ENTREP2: variants seen among roughly 807,000 people sequenced by gnomAD.
ENTREP2 encodes protein ENTREP2.
chr15:29,578,847 T>C, the ENTREP2 span, among the ~76,000 whole-genome samples: 1 of 152,164 alleles, frequency 6.6e-6, no homozygotes, highest in African/African-American at 2.4e-5. Context: ...TCTGGGATAG[T>C]ATTGACTAGA....
At chr15:29,394,228 A>G in the ENTREP2 span, among the ~76,000 whole-genome samples, 1 of 152,172 alleles carries the variant, frequency 6.6e-6, no homozygotes, top group Non-Finnish European at 1.5e-5. Flanking sequence ...TCATAAATTA[A>G]TTTAGTGAAA....
At chr15:29,189,386 G>A in the ENTREP2 span, among the ~76,000 whole-genome samples, 2 of 151,754 alleles carry the variant, frequency 1.3e-5, no homozygotes, top group Non-Finnish European at 2.9e-5. Flanking sequence ...AGTGGTGTGT[G>A]AGAGTAGAGC....
At chr15:29,333,509 C>A in the ENTREP2 span, among the ~76,000 whole-genome samples, 10 of 152,142 alleles carry the variant, frequency 6.6e-5, no homozygotes. Flanking sequence ...CTGCATGGCC[C>A]TCCCGGGCAC....
At chr15:29,246,977 A>G in the ENTREP2 span, among the ~76,000 whole-genome samples, 2 of 130,324 alleles carry the variant, frequency 1.5e-5, no homozygotes, top group East Asian at 2.0e-4. Flanking sequence ...GGAAAGGCAC[A>G]CACACACACA....
the ENTREP2 span, among the ~76,000 whole-genome samples, chr15:29,470,753 A>G: frequency 9.9e-5 from 15 of 152,224 alleles, no homozygotes; most frequent in Non-Finnish European, 2.1e-4. Context: ...GACATGAGAC[A>G]GTCCCTCAAA....
chr15:29,278,288 C>A, the ENTREP2 span, among the ~76,000 whole-genome samples: 2 of 152,202 alleles, frequency 1.3e-5, no homozygotes, highest in African/African-American at 4.8e-5. Context: ...AAGTTGCATG[C>A]GGAGAAGAGG....
the ENTREP2 span, among the ~76,000 whole-genome samples, chr15:29,167,995 A>C: frequency 3.9e-5 from 6 of 152,222 alleles, no homozygotes; most frequent in Admixed American, 6.5e-5. Flanking sequence ...CTTAGCCATA[A>C]AAAGGAATGA....
the ENTREP2 span, among the ~76,000 whole-genome samples, chr15:29,444,395 T>C: frequency 2.6e-5 from 4 of 152,240 alleles, no homozygotes; most frequent in African/African-American, 9.6e-5. Context: ...GTTTTTTGCA[T>C]GACTCAGTTC....
At chr15:29,549,086 C>T in the ENTREP2 span, among the ~76,000 whole-genome samples, 2 of 152,114 alleles carry the variant, frequency 1.3e-5, no homozygotes, top group Non-Finnish European at 2.9e-5. Context: ...GAACACTGAG[C>T]CATTAACCAT....
the ENTREP2 span, among the ~76,000 whole-genome samples, chr15:29,478,094 A>G: frequency 1.6e-5 from 2 of 128,820 alleles, no homozygotes; most frequent in Non-Finnish European, 3.1e-5. Context: ...GCGTGATCTC[A>G]GCTCACTGCA....
the ENTREP2 span, among the ~76,000 whole-genome samples, chr15:29,173,684 T>C: frequency 3.9e-5 from 6 of 152,236 alleles, no homozygotes; most frequent in African/African-American, 1.4e-4. Context: ...ACCATTCATC[T>C]TCTGATTGGT....
the ENTREP2 span, among the ~76,000 whole-genome samples, chr15:29,179,387 T>A: frequency 6.6e-6 from 1 of 152,196 alleles, no homozygotes; most frequent in African/African-American, 2.4e-5. Context: ...ACTTAGTGAA[T>A]AATGGCACTT....
chr15:29,421,673 G>A, the ENTREP2 span, among the ~76,000 whole-genome samples: 5 of 152,014 alleles, frequency 3.3e-5, no homozygotes, highest in East Asian at 3.9e-4. Flanking sequence ...CTCAAACTAC[G>A]TAACACTAGC....
At chr15:29,269,437 G>C in the ENTREP2 span, 43 of 1,613,968 alleles carry the variant, frequency 2.7e-5, no homozygotes, top group Non-Finnish European at 1.9e-5. Flanking sequence ...CACCAGCTCG[G>C]ACACTTTCAG....
the ENTREP2 span, among the ~76,000 whole-genome samples, chr15:29,275,213 C>T: frequency 6.6e-6 from 1 of 152,172 alleles, no homozygotes; most frequent in African/African-American, 2.4e-5. Context: ...ATGTTCACTG[C>T]AGCAAAACAC....
At chr15:29,491,709 G>A in the ENTREP2 span, among the ~76,000 whole-genome samples, 1 of 152,088 alleles carries the variant, frequency 6.6e-6, no homozygotes, top group Non-Finnish European at 1.5e-5. Context: ...GAAGGTAAAG[G>A]AAAAAACATG....
the ENTREP2 span, among the ~76,000 whole-genome samples, chr15:29,383,374 T>G: frequency 4.6e-5 from 7 of 152,322 alleles, no homozygotes; most frequent in African/African-American, 1.7e-4. Flanking sequence ...GCCGAAATCC[T>G]GGAGATCTTT....
At chr15:29,292,804 G>A in the ENTREP2 span, among the ~76,000 whole-genome samples, 10 of 152,126 alleles carry the variant, frequency 6.6e-5, no homozygotes, top group Admixed American at 3.9e-4. Flanking sequence ...AAAAGGAGAG[G>A]GCTAGAGAGA....
At chr15:29,557,842 T>C in the ENTREP2 span, among the ~76,000 whole-genome samples, 3 of 152,152 alleles carry the variant, frequency 2.0e-5, no homozygotes, top group African/African-American at 7.2e-5. Flanking sequence ...CTCTCAGGAA[T>C]TGTCCCCCAA....
Sources: allele counts gnomAD v4.1 joint callset (sites outside exome capture counted in the v4.1 genomes callset), GRCh38; gene constraint gnomAD v4.1.1; transcripts MANE v1.5; gene names NCBI Gene and HGNC (gene_info 2026-07-23, HGNC 2026-07-21).